The following VTI1B variants were observed in gnomAD, a reference collection of about 807,000 sequenced individuals.
The protein encoded by VTI1B is vesicle transport through interaction with t-SNAREs 1B.
A neutral mutation model predicts 28.6 loss-of-function variants in VTI1B; 18 were observed. The observed-to-expected ratio is 0.63, with a 90% CI of 0.43 to 0.93. The LOEUF (loss-of-function observed/expected upper bound fraction) is 0.93. VTI1B is among the 40% of genes least tolerant of loss of function. VTI1B has a pLI of 0.00. For missense variants in VTI1B, 283 were observed against 297.0 expected, an observed-to-expected ratio of 0.95 and a Z score of 0.35; for synonymous variants, 100 against 107.9, an observed-to-expected ratio of 0.93 and a Z score of 0.46.
Position 67,647,227 on chromosome 14 carries a change from G to A in VTI1B, c.*4158C>T. Reference sequence around the variant, plus strand: ...GGGAGGAGGTTTCCTCTAAATCATTGCCTAGATCTTCTGTCTCATGAATTT... The same window carrying A: ...GGGAGGAGGTTTCCTCTAAATCATTACCTAGATCTTCTGTCTCATGAATTT... On this transcript the variant is annotated 3_prime_UTR_variant, in exon 6 of 6. Coordinates refer to ENST00000554659, the MANE Select transcript of VTI1B (RefSeq NM_006370.3). 4.2e-6 allele frequency: 2 copies of A among 471,860 alleles called. No individual in the cohort carries two copies. The highest frequency in any genetic ancestry group is 8.0e-5 in the South Asian group (2 of 25,042). The allele number at this position is 471,860 out of a possible 1,614,324, so 29.2% of individuals were successfully genotyped here.
At position 67,650,298 on chromosome 14, in the gene VTI1B, G is replaced by C. The variant is rs976733905; in HGVS notation, c.*1087C>G. 6 of 229,372 alleles carry C rather than the reference G, an allele frequency of 2.6e-5. No individual in the cohort carries two copies. Among genetic ancestry groups the C allele is most frequent in the African/African-American group, 1.4e-4 (6 of 43,540 alleles). The allele number at this position is 229,372 out of a possible 1,614,324, so 14.2% of individuals were successfully genotyped here. A position where few individuals can be genotyped will look rare whatever the true frequency, so the allele number is the denominator to read the frequency against. Reference sequence around the variant, plus strand: ...TGCAGTTTGGCTAGTGCAAGTGGCAGATTTCCTCTGCCTTCATACTTGATT... The same window carrying C: ...TGCAGTTTGGCTAGTGCAAGTGGCACATTTCCTCTGCCTTCATACTTGATT... On this transcript the variant is annotated 3_prime_UTR_variant, in exon 6 of 6. Coordinates refer to ENST00000554659, the MANE Select transcript of VTI1B (RefSeq NM_006370.3).
chr14:67,671,231 T>TA (rs1166778670), intron 1 of VTI1B, among the ~76,000 whole-genome samples: 26 of 152,228 alleles, frequency 1.7e-4, no homozygotes, highest in Admixed American at 3.9e-4. Context: ...ACCAGCAACT[T>TA]AGAGTATTTT....
intron 1 of VTI1B, among the ~76,000 whole-genome samples, chr14:67,669,493 T>C (rs2037441135): frequency 6.6e-6 from 1 of 151,820 alleles, no homozygotes; most frequent in African/African-American, 2.4e-5. Flanking sequence ...TCTCCAACTC[T>C]TGGCCTCATG....
chr14:67,659,210 G>C (rs551940083), intron 3 of VTI1B, among the ~76,000 whole-genome samples: 4 of 152,268 alleles, frequency 2.6e-5, no homozygotes, highest in African/African-American at 9.6e-5. Flanking sequence ...GCTCCTTCTC[G>C]AGAAGCGCCC....
intron 1 of VTI1B, among the ~76,000 whole-genome samples, chr14:67,673,386 T>A (rs896615715): frequency 6.6e-6 from 1 of 152,018 alleles, no homozygotes; most frequent in Non-Finnish European, 1.5e-5. Flanking sequence ...TGAAGTCCCA[T>A]CCCCTATTCT....
At position 67,674,252 on chromosome 14, in the gene VTI1B, G is replaced by A. The variant is rs2037504648; in HGVS notation, c.115+123C>T. The A allele has an allele frequency of 1.4e-5, 12 of 881,364 alleles. No individual in the cohort carries two copies. The East Asian group carries it at 3.5e-4, about 26-fold the overall frequency. 54.6% of individuals were successfully genotyped at this position (881,364 alleles called of 1,614,324 possible). On this transcript the variant is annotated intron_variant, in intron 1 of 5. Coordinates refer to ENST00000554659, the MANE Select transcript of VTI1B (RefSeq NM_006370.3). Reference sequence around the variant, plus strand: ...TGGGGCTGGGACAAGCCAGCCCTAGGGGGCGTGTCTGAGGACGCGGAGGGA... The same window carrying A: ...TGGGGCTGGGACAAGCCAGCCCTAGAGGGCGTGTCTGAGGACGCGGAGGGA...
chr14:67,665,952 T>G (rs1053304924), intron 1 of VTI1B, among the ~76,000 whole-genome samples: 1 of 152,180 alleles, frequency 6.6e-6, no homozygotes, highest in African/African-American at 2.4e-5. Context: ...CTATTACTGT[T>G]CCTGAGGGGG....
At chr14:67,661,952 C>T (rs141510553) in intron 2 of VTI1B, among the ~76,000 whole-genome samples, 3 of 151,842 alleles carry the variant, frequency 2.0e-5, no homozygotes, top group Admixed American at 6.6e-5. Context: ...GTCAGGAGAT[C>T]GAGACCATCC....
chr14:67,660,071 G>A, intron 2 of VTI1B, 149 bp from the exon 3 acceptor site: 5 of 785,738 alleles, frequency 6.4e-6, no homozygotes, highest in South Asian at 1.9e-5. Flanking sequence ...ACCATGTCTG[G>A]CATGTTCCCC....
chr14:67,656,719 A>G (rs1370651620), intron 3 of VTI1B, 130 bp from the exon 4 acceptor site: 27 of 1,022,926 alleles, frequency 2.6e-5, no homozygotes, highest in Non-Finnish European at 1.5e-5. Flanking sequence ...TTAAGACAGA[A>G]CCAAAGAAGC....
chr14:67,672,656 T>C (rs2037482177), intron 1 of VTI1B, among the ~76,000 whole-genome samples: 1 of 151,582 alleles, frequency 6.6e-6, no homozygotes, highest in Non-Finnish European at 1.5e-5. Flanking sequence ...TTGGCCAGGC[T>C]GGTCTTGAAC....
In VTI1B at chr14:67,662,470, T is replaced by C. The variant is rs1331963922; in HGVS notation, c.174+7A>G. On this transcript the variant is annotated splice_region_variant and intron_variant, in intron 2 of 5. Transcript: ENST00000554659. The stretch of plus-strand genomic sequence containing the variant: ...TAGAAGAAACAAAATTTGTTCCTTG[T>C]TCTCACCGTTTCATTTGCTTCCTGT... 1 of 1,612,648 alleles carries C rather than the reference T, an allele frequency of 6.2e-7. No individual in the cohort carries two copies. The highest frequency in any genetic ancestry group is 8.5e-7 in the Non-Finnish European group (1 of 1,179,498).
intron 3 of VTI1B, among the ~76,000 whole-genome samples, chr14:67,658,389 T>C (rs1385700616): frequency 6.6e-6 from 1 of 151,842 alleles, no homozygotes; most frequent in Non-Finnish European, 1.5e-5. Flanking sequence ...GGTCAGGAGA[T>C]GGAGATCATC....
Position 67,651,183 on chromosome 14 carries a change from G to T in VTI1B, c.*202C>A. 3 of 1,038,314 alleles carry T rather than the reference G, an allele frequency of 2.9e-6. No individual in the cohort carries two copies. The highest frequency in any genetic ancestry group is 4.1e-6 in the Non-Finnish European group (3 of 734,844). The allele number at this position is 1,038,314 out of a possible 1,614,324, so 64.3% of individuals were successfully genotyped here. ...GTCATAAACAGCATTTATTACCTTG[G>T]TATATCATACTGGTCTTGTTGCTGT... On this transcript the variant is annotated 3_prime_UTR_variant, in exon 6 of 6. Coordinates refer to ENST00000554659, the MANE Select transcript of VTI1B (RefSeq NM_006370.3).
chr14:67,662,833 G>A (rs548337125), intron 1 of VTI1B, among the ~76,000 whole-genome samples: 124 of 151,254 alleles, frequency 8.2e-4, no homozygotes, highest in Middle Eastern at 3.4e-3. Flanking sequence ...AACCCAGGAG[G>A]TGGAAGTGGC....
At chr14:67,665,770 T>C (rs1279681086) in intron 1 of VTI1B, among the ~76,000 whole-genome samples, 2 of 152,168 alleles carry the variant, frequency 1.3e-5, no homozygotes, top group Non-Finnish European at 2.9e-5. Context: ...GTCTCATTCA[T>C]TGTTGTGTGC....
At chr14:67,663,146 C>T (rs185423995) in intron 1 of VTI1B, 1 of 1,532,506 alleles carries the variant, frequency 6.5e-7, no homozygotes, top group African/African-American at 1.4e-5. Context: ...CATTCTGTCC[C>T]TTTGGTTGAG....
chr14:67,671,291 C>T (rs575683913), intron 1 of VTI1B, among the ~76,000 whole-genome samples: 61 of 152,168 alleles, frequency 4.0e-4, no homozygotes, highest in Middle Eastern at 3.4e-3. Flanking sequence ...TTTGGGAGGC[C>T]GTGGCGGGCA....
At chr14:67,674,266 G>A (rs2037504961) in intron 1 of VTI1B, 109 bp downstream of exon 1, 2 of 1,040,666 alleles carry the variant, frequency 1.9e-6, no homozygotes, top group Non-Finnish European at 2.7e-6. Flanking sequence ...CGTGTCTGAG[G>A]ACGCGGAGGG....
Sources: gnomAD v4.1 joint callset for allele counts (sites outside exome capture counted in the v4.1 genomes callset) on GRCh38, gnomAD v4.1.1 for gene constraint, MANE v1.5 for transcripts, NCBI Gene and HGNC (gene_info 2026-07-23, HGNC 2026-07-21) for gene names.